The following DMD variants were observed in gnomAD, a reference collection of about 807,000 sequenced individuals.
The protein encoded by DMD is mutant dystrophin.
In DMD, 63 loss-of-function variants were observed where a neutral mutation model predicts 330.1. That is an observed-to-expected ratio of 0.19 (90% CI 0.16 to 0.24). The LOEUF is 0.24. Ranked by LOEUF, DMD falls within the 10% of genes least tolerant of loss-of-function variation. The pLI is 1.00. For missense variants in DMD, 3,344 were observed against 2,684.1 expected, an observed-to-expected ratio of 1.25 and a Z score of -5.43; for synonymous variants, 1,223 against 959.8, an observed-to-expected ratio of 1.27 and a Z score of -5.07.
intron 44 of DMD, among the ~76,000 whole-genome samples, chrX:32,196,986 C>CAAAAAAAAA (rs71872245): frequency 4.0e-4 from 20 of 49,591 alleles, no homozygotes; most frequent in African/African-American, 8.7e-4. Context: ...GACTCCATCT[C>CAAAAAAAAA]AAAAAAAAAA....
chrX:32,733,655 G>A (rs1485562488), intron 7 of DMD, among the ~76,000 whole-genome samples: 1 of 111,540 alleles, frequency 9.0e-6, no homozygotes, highest in East Asian at 2.8e-4. Context: ...ACCTCCTCCT[G>A]AATGACTACG....
chrX:31,227,422 C>T (rs2046721945), intron 63 of DMD, among the ~76,000 whole-genome samples: 1 of 111,470 alleles, frequency 9.0e-6, no homozygotes, highest in African/African-American at 3.3e-5. Flanking sequence ...ATCTTTTCAG[C>T]CTACCCCCAA....
chrX:32,214,318 G>T (rs752450693), intron 44 of DMD, among the ~76,000 whole-genome samples: 36 of 110,376 alleles, frequency 3.3e-4, no homozygotes, highest in Non-Finnish European at 6.1e-4. Flanking sequence ...ATCCTTGCCA[G>T]GAGGCTTTTG....
At chrX:31,557,843 C>G (rs1378773851) in intron 55 of DMD, among the ~76,000 whole-genome samples, 1 of 109,601 alleles carries the variant, frequency 9.1e-6, no homozygotes, top group African/African-American at 3.3e-5. Flanking sequence ...GTGATACTCA[C>G]ATACAAATAC....
chrX:31,476,219 G>C lies in DMD; in HGVS notation c.8937+1887C>G, dbSNP rs770274266. On this transcript the variant is annotated intron_variant, in intron 59 of 78. Coordinates refer to ENST00000357033, the MANE Select transcript of DMD (RefSeq NM_004006.3). ...ACAAAGATAGGTAACATTTTGGCTG[G>C]TCCTTGAGGGCTGAAGGAGAATTCG... 7.5e-5 allele frequency among the ~76,000 whole-genome samples: 8 copies of C among 106,953 alleles called. No individual in the cohort carries two copies. The South Asian group carries it at 3.4e-3, about 45-fold the overall frequency. 92.9% of individuals were successfully genotyped at this position (106,953 alleles called of 115,157 possible). A position where few individuals can be genotyped will look rare whatever the true frequency, so the allele number is the denominator to read the frequency against.
At chrX:32,821,215 C>CA (rs2078215212) in intron 5 of DMD, among the ~76,000 whole-genome samples, 1 of 111,535 alleles carries the variant, frequency 9.0e-6, no homozygotes, top group African/African-American at 3.3e-5. Flanking sequence ...AGGAGAGCAA[C>CA]ATGGCTGCTG....
intron 60 of DMD, among the ~76,000 whole-genome samples, chrX:31,388,005 T>G (rs954953968): frequency 1.9e-5 from 2 of 106,400 alleles, no homozygotes; most frequent in Non-Finnish European, 3.9e-5. Context: ...GTTTTTCGGT[T>G]TTTTTTTTTT....
intron 44 of DMD, among the ~76,000 whole-genome samples, chrX:32,159,546 A>G (rs1317843498): frequency 8.9e-6 from 1 of 111,901 alleles, no homozygotes; most frequent in African/African-American, 3.3e-5. Context: ...TATGTCCTCA[A>G]TGCTTCATTA....
chrX:32,942,742 A>G (rs1011889670), intron 2 of DMD, among the ~76,000 whole-genome samples: 1 of 111,658 alleles, frequency 9.0e-6, no homozygotes, highest in Admixed American at 9.6e-5. Flanking sequence ...CAATTTTTAG[A>G]ATAAATCTTT....
chrX:33,220,813 G>C (rs747118422), intron 1 of DMD, among the ~76,000 whole-genome samples: 1 of 111,180 alleles, frequency 9.0e-6, no homozygotes, highest in Non-Finnish European at 1.9e-5. Flanking sequence ...TCATAGATGG[G>C]TCTAACAATA....
At chrX:32,759,838 T>A (rs2071993861) in intron 7 of DMD, among the ~76,000 whole-genome samples, 1 of 11,619 alleles carries the variant, frequency 8.6e-5, no homozygotes, top group Non-Finnish European at 1.5e-4. Flanking sequence ...GATGCAGGTT[T>A]TTCTTGGGGG....
At chrX:31,422,033 ATATATATATAT>A (rs2063458267) in intron 60 of DMD, among the ~76,000 whole-genome samples, 4 of 6,934 alleles carry the variant, frequency 5.8e-4, no homozygotes, top group South Asian at 0.014. Context: ...ACACACATAT[ATATATATATAT>A]TTTTTTTTTT....
intron 78 of DMD, among the ~76,000 whole-genome samples, chrX:31,123,309 G>T (rs1321508371): frequency 8.9e-6 from 1 of 112,095 alleles, no homozygotes; most frequent in Non-Finnish European, 1.9e-5. Context: ...TTAGTGCAAA[G>T]AATTTCATGG....
intron 7 of DMD, chrX:32,754,834 G>C (rs1386464484): frequency 1.8e-5 from 2 of 111,567 alleles, no homozygotes; most frequent in Non-Finnish European, 1.9e-5. Context: ...TTAAATCATT[G>C]TGCAGATGGC....
chrX:33,030,500 G>C (rs187812657), intron 1 of DMD, among the ~76,000 whole-genome samples: 2 of 111,971 alleles, frequency 1.8e-5, no homozygotes, highest in South Asian at 7.4e-4. Context: ...ATGAGTATGT[G>C]GGTGTAGACT....
chrX:31,941,124 G>A (rs1455003287), intron 45 of DMD, among the ~76,000 whole-genome samples: 3 of 111,997 alleles, frequency 2.7e-5, no homozygotes, highest in African/African-American at 9.7e-5. Context: ...CACAGTTGCT[G>A]AAACAGGCTT....
Position 32,965,354 on chromosome X carries a change from T to G in DMD, c.93+54785A>C, listed in dbSNP as rs2092104512. On this transcript the variant is annotated intron_variant, in intron 2 of 78. Coordinates refer to ENST00000357033, the MANE Select transcript of DMD (RefSeq NM_004006.3). Reference sequence around the variant, plus strand: ...TAAAAATACAAAAAAATTATCCGGGTGTGGTGGCGCATGCCTGTAGTAGCA... The same window carrying G: ...TAAAAATACAAAAAAATTATCCGGGGGTGGTGGCGCATGCCTGTAGTAGCA... 2.8e-5 allele frequency among the ~76,000 whole-genome samples: 3 copies of G among 108,614 alleles called. No individual in the cohort carries two copies. The Admixed American group carries it at 3.0e-4, about 11-fold the overall frequency. 94.3% of individuals were successfully genotyped at this position (108,614 alleles called of 115,157 possible).
rs771778196 is a variant in DMD, at chrX:31,476,893, T to C, written c.8937+1213A>G. ...AAAACACAAAAGAGCTATTCTGAGG[T>C]AACATGAGCCATCATGTGCCATCAG... On this transcript the variant is annotated intron_variant, in intron 59 of 78. Coordinates refer to ENST00000357033, the MANE Select transcript of DMD (RefSeq NM_004006.3). 4.5e-5 allele frequency among the ~76,000 whole-genome samples: 5 copies of C among 111,488 alleles called. No homozygotes were observed. The South Asian group carries it at 1.9e-3, about 42-fold the overall frequency.
Position 32,680,953 on chromosome X carries a change from G to T in DMD, c.960+16917C>A, listed in dbSNP as rs773587071. Among the ~76,000 whole-genome samples, 3 of 112,040 alleles carry T rather than the reference G, an allele frequency of 2.7e-5. No individual in the cohort carries two copies. In the South Asian group the frequency reaches 1.1e-3, roughly 42 times the overall value. Reference sequence around the variant, plus strand: ...CTTCTCTAGCCTTATTTATTTCCTAGTTACATATTTTACATCACTTTTCAC... The same window carrying T: ...CTTCTCTAGCCTTATTTATTTCCTATTTACATATTTTACATCACTTTTCAC... On this transcript the variant is annotated intron_variant, in intron 9 of 78. Transcript: ENST00000357033.
Sources: allele counts gnomAD v4.1 joint callset (sites outside exome capture counted in the v4.1 genomes callset), GRCh38; gene constraint gnomAD v4.1.1; transcripts MANE v1.5; gene names NCBI Gene and HGNC (gene_info 2026-07-23, HGNC 2026-07-21).